DLG2: variants seen among roughly 807,000 people sequenced by gnomAD.
DLG2 encodes discs large MAGUK scaffold protein 2, also known as disks large homolog 2.
Under a neutral mutation model 132.5 loss-of-function variants are expected in DLG2, and 45 were observed. The ratio of observed to expected loss-of-function variants is 0.34; its 90% CI spans 0.27 to 0.44. The LOEUF (loss-of-function observed/expected upper bound fraction) is 0.44. Among genes scored for constraint, DLG2 ranks in the 20% least tolerant of loss-of-function variants. The pLI, the probability that DLG2 is intolerant of heterozygous loss-of-function variation, is 1.00. For synonymous variants in DLG2, 424 were observed against 419.6 expected (o/e 1.01, Z -0.13); for missense variants, 1,045 against 1,196.9 (o/e 0.87, Z 1.87).
chr11:85,515,775 G>C (rs552628584), intron 3 of DLG2, among the ~76,000 whole-genome samples: 2 of 151,898 alleles, frequency 1.3e-5, no homozygotes, highest in Non-Finnish European at 2.9e-5. Context: ...AATTTGTGAG[G>C]TTTTATGAAT....
intron 6 of DLG2, among the ~76,000 whole-genome samples, chr11:84,662,988 G>T (rs976912843): frequency 6.6e-6 from 1 of 151,734 alleles, no homozygotes; most frequent in Admixed American, 6.6e-5. Flanking sequence ...CAGGTTACAG[G>T]GTAACATCAC....
intron 7 of DLG2, among the ~76,000 whole-genome samples, chr11:84,369,288 A>G (rs2098696738): frequency 6.6e-6 from 1 of 152,122 alleles, no homozygotes; most frequent in Non-Finnish European, 1.5e-5. Context: ...TATGCTTTGG[A>G]ACTCATTTTT....
chr11:84,068,208 T>C (rs1335516327), intron 10 of DLG2, among the ~76,000 whole-genome samples: 2 of 152,256 alleles, frequency 1.3e-5, no homozygotes, highest in Admixed American at 1.3e-4. Context: ...GAGGAATTCC[T>C]CTAACACCTG....
At chr11:83,680,952 T>C (rs1166170999) in intron 18 of DLG2, among the ~76,000 whole-genome samples, 1 of 152,118 alleles carries the variant, frequency 6.6e-6, no homozygotes, top group African/African-American at 2.4e-5. Flanking sequence ...AAGAGGACAT[T>C]TGTCACATCT....
intron 7 of DLG2, among the ~76,000 whole-genome samples, chr11:84,401,110 T>G (rs1473061837): frequency 6.6e-6 from 1 of 152,170 alleles, no homozygotes; most frequent in Non-Finnish European, 1.5e-5. Context: ...AAAACTGAAC[T>G]CTGGAGAGAT....
At chr11:85,013,970 T>G (rs973071070) in intron 6 of DLG2, among the ~76,000 whole-genome samples, 2 of 152,194 alleles carry the variant, frequency 1.3e-5, no homozygotes, top group African/African-American at 4.8e-5. Context: ...TTTCTTTATT[T>G]GTATGTCATG....
At chr11:84,285,355 T>A (rs1261502142) in intron 7 of DLG2, among the ~76,000 whole-genome samples, 1 of 152,160 alleles carries the variant, frequency 6.6e-6, no homozygotes, top group Non-Finnish European at 1.5e-5. Flanking sequence ...TTTGGACCTG[T>A]CTGTCACCAG....
chr11:85,123,619 G>A (rs915144874), intron 5 of DLG2, among the ~76,000 whole-genome samples: 4 of 152,170 alleles, frequency 2.6e-5, no homozygotes, highest in African/African-American at 9.7e-5. Context: ...ACTCCAGAGA[G>A]TAAACATTTT....
At chr11:83,954,160 C>T (rs1438518977) in intron 14 of DLG2, among the ~76,000 whole-genome samples, 3 of 152,074 alleles carry the variant, frequency 2.0e-5, no homozygotes, top group Non-Finnish European at 4.4e-5. Context: ...ATTAGTGTTG[C>T]ATTTTTGCTA....
At chr11:85,448,783 C>A (rs114502241) in intron 3 of DLG2, among the ~76,000 whole-genome samples, 101 of 152,266 alleles carry the variant, frequency 6.6e-4, no homozygotes, top group African/African-American at 2.3e-3. Flanking sequence ...GGAAACAAGT[C>A]CATTGCCACA....
intron 7 of DLG2, among the ~76,000 whole-genome samples, chr11:84,446,040 A>G (rs71468372): frequency 0.039 from 5,934 of 150,944 alleles, 160 homozygotes; most frequent in Non-Finnish European, 0.058. Flanking sequence ...TTCTACCCGT[A>G]CTATTGCTTC....
At chr11:84,651,507 G>A (rs779279101) in intron 6 of DLG2, among the ~76,000 whole-genome samples, 74 of 152,236 alleles carry the variant, frequency 4.9e-4, no homozygotes, top group Non-Finnish European at 7.9e-4. Context: ...AATAAAAATA[G>A]AAGCTTTCAA....
intron 14 of DLG2, among the ~76,000 whole-genome samples, chr11:83,949,075 T>A (rs1207443649): frequency 6.6e-6 from 1 of 152,248 alleles, no homozygotes; most frequent in South Asian, 2.1e-4. Context: ...AATGAATTTT[T>A]ACATTTTTTC....
intron 6 of DLG2, among the ~76,000 whole-genome samples, chr11:84,662,186 AATCTTTTTTTTTT>A (rs1388741914): frequency 6.7e-6 from 1 of 149,532 alleles, no homozygotes; most frequent in Non-Finnish European, 1.5e-5. Flanking sequence ...TTTCTTTGTA[AATCTTTTTTTTTT>A]TTTTTTTTTT....
At chr11:85,549,933 C>T (rs1457458687) in intron 3 of DLG2, among the ~76,000 whole-genome samples, 1 of 152,316 alleles carries the variant, frequency 6.6e-6, no homozygotes, top group African/African-American at 2.4e-5. Context: ...CACCCCTTTC[C>T]TAGAAAACTC....
At chr11:84,581,143 T>C (rs1202089935) in intron 6 of DLG2, among the ~76,000 whole-genome samples, 2 of 152,210 alleles carry the variant, frequency 1.3e-5, no homozygotes, top group Non-Finnish European at 2.9e-5. Flanking sequence ...ATTTGACGAA[T>C]TGAAGAACCA....
chr11:84,583,076 A>C (rs562230315), intron 6 of DLG2, among the ~76,000 whole-genome samples: 35 of 152,306 alleles, frequency 2.3e-4, no homozygotes, highest in African/African-American at 7.7e-4. Context: ...TAACCTGATG[A>C]TTTTGTCATT....
intron 3 of DLG2, among the ~76,000 whole-genome samples, chr11:85,588,673 T>G (rs1043301643): frequency 6.6e-6 from 1 of 152,158 alleles, no homozygotes; most frequent in Non-Finnish European, 1.5e-5. Context: ...AAATTCTTTA[T>G]CTGGCAATTC....
At chr11:85,175,033 G>T (rs988168154) in intron 4 of DLG2, among the ~76,000 whole-genome samples, 2 of 152,018 alleles carry the variant, frequency 1.3e-5, no homozygotes, top group African/African-American at 2.4e-5. Context: ...AATTCTACCA[G>T]AGGTACAAAG....
Sources: gnomAD v4.1 joint callset for allele counts (sites outside exome capture counted in the v4.1 genomes callset) on GRCh38, gnomAD v4.1.1 for gene constraint, MANE v1.5 for transcripts, NCBI Gene and HGNC (gene_info 2026-07-23, HGNC 2026-07-21) for gene names.